Variants in NAALADL2 observed in about 807,000 individuals in gnomAD.
NAALADL2 encodes N-acetylated alpha-linked acidic dipeptidase like 2.
A neutral mutation model predicts 87.2 loss-of-function variants in NAALADL2; 76 were observed. The observed-to-expected ratio is 0.87, with a 90% CI of 0.72 to 1.05. The LOEUF (loss-of-function observed/expected upper bound fraction) is 1.05, where lower values mean the gene tolerates loss of function less well. Among genes scored for constraint, NAALADL2 ranks in the 50% least tolerant of loss-of-function variants. NAALADL2 has a pLI of 0.00. For synonymous variants in NAALADL2, 354 were observed against 331.0 expected, an observed-to-expected ratio of 1.07 and a Z score of -0.75; for missense variants, 1,089 against 945.8, an observed-to-expected ratio of 1.15 and a Z score of -1.99.
chr3:175,020,074 A>G (rs1751376084), intron 1 of NAALADL2, among the ~76,000 whole-genome samples: 1 of 152,104 alleles, frequency 6.6e-6, no homozygotes, highest in Non-Finnish European at 1.5e-5. Flanking sequence ...AAATGAATTA[A>G]TGAATATTGG....
At chr3:174,825,738 T>C (rs975992130) in intron 3 of NAALADL2, among the ~76,000 whole-genome samples, 8 of 152,102 alleles carry the variant, frequency 5.3e-5, no homozygotes, top group Non-Finnish European at 1.5e-5. Context: ...CTTAAACATC[T>C]TTTGAAGGGC....
At chr3:174,723,755 C>CAAAAAAAAAAAAAAAAAAAAAA (rs10663395) in intron 2 of NAALADL2, among the ~76,000 whole-genome samples, 1 of 27,554 alleles carries the variant, frequency 3.6e-5, no homozygotes, top group Non-Finnish European at 5.4e-5. Context: ...GACTCCGTCT[C>CAAAAAAAAAAAAAAAAAAAAAA]AAAAAAAAAA....
At chr3:174,594,169 G>A (rs1370006356) in intron 2 of NAALADL2, among the ~76,000 whole-genome samples, 1 of 150,072 alleles carries the variant, frequency 6.7e-6, no homozygotes, top group East Asian at 1.9e-4. Context: ...TAATACTTGG[G>A]CATAATAATT....
chr3:175,336,968 T>C (rs1762046189), intron 5 of NAALADL2, among the ~76,000 whole-genome samples: 1 of 152,144 alleles, frequency 6.6e-6, no homozygotes. Context: ...TTTCAAGCAA[T>C]AGGCTGAAAA....
upstream of NAALADL2, among the ~76,000 whole-genome samples, chr3:174,858,491 G>C (rs1417694586): frequency 6.6e-6 from 1 of 151,938 alleles, no homozygotes; most frequent in Non-Finnish European, 1.5e-5. Flanking sequence ...TATTCAAAAG[G>C]CAATGCAAAT....
intron 3 of NAALADL2, 146 bp from the exon 4 acceptor site, chr3:175,256,265 T>C: frequency 1.6e-6 from 1 of 628,966 alleles, no homozygotes; most frequent in Non-Finnish European, 2.5e-6. Flanking sequence ...GTCATGTTTA[T>C]GGTAATTGGG....
intron 1 of NAALADL2, among the ~76,000 whole-genome samples, chr3:175,001,148 C>G (rs1392858293): frequency 6.6e-6 from 1 of 152,170 alleles, no homozygotes; most frequent in East Asian, 1.9e-4. Context: ...TCAGTAGCCC[C>G]CAGTTCCTTG....
chr3:174,657,860 T>C (rs762455716), intron 2 of NAALADL2, among the ~76,000 whole-genome samples: 6 of 152,192 alleles, frequency 3.9e-5, no homozygotes, highest in Non-Finnish European at 8.8e-5. Context: ...TTTCAGAGCA[T>C]CATATAGTTG....
chr3:175,254,489 A>T (rs1009373815), intron 3 of NAALADL2, among the ~76,000 whole-genome samples: 11 of 152,178 alleles, frequency 7.2e-5, no homozygotes, highest in Non-Finnish European at 1.3e-4. Context: ...ATGGAACTGA[A>T]CTTGCAATCT....
intron 9 of NAALADL2, among the ~76,000 whole-genome samples, chr3:175,530,519 A>C (rs1582272581): frequency 1.3e-5 from 2 of 152,144 alleles, no homozygotes; most frequent in African/African-American, 4.8e-5. Context: ...AATGTCCTAG[A>C]AAAGGGCTGT....
At chr3:175,235,179 TTTGA>T (rs1269373918) in intron 3 of NAALADL2, 5 of 152,294 alleles carry the variant, frequency 3.3e-5, no homozygotes, top group Admixed American at 1.3e-4. Flanking sequence ...TATTATTAAC[TTTGA>T]TTGATATATG....
At chr3:174,832,888 CA>C (rs901575470) in intron 3 of NAALADL2, among the ~76,000 whole-genome samples, 2 of 152,058 alleles carry the variant, frequency 1.3e-5, no homozygotes, top group Non-Finnish European at 2.9e-5. Context: ...TAAAGTCCAA[CA>C]AAAAAGATGT....
chr3:174,886,479 C>T (rs1162092349), intron 1 of NAALADL2, among the ~76,000 whole-genome samples: 1 of 152,102 alleles, frequency 6.6e-6, no homozygotes, highest in Non-Finnish European at 1.5e-5. Flanking sequence ...TACTTTGTAT[C>T]CTTCAATCCA....
chr3:174,599,789 T>A (rs1718264459), intron 2 of NAALADL2, among the ~76,000 whole-genome samples: 1 of 152,164 alleles, frequency 6.6e-6, no homozygotes, highest in South Asian at 2.1e-4. Context: ...CTCTAGGTGT[T>A]ACAAAGACTG....
At chr3:174,990,310 TC>T (rs1273371571) in intron 1 of NAALADL2, among the ~76,000 whole-genome samples, 1 of 152,178 alleles carries the variant, frequency 6.6e-6, no homozygotes, top group Non-Finnish European at 1.5e-5. Context: ...TGCTGTCACA[TC>T]ATCACATCTG....
At chr3:174,861,043 C>T (rs1269412423) in intron 1 of NAALADL2, among the ~76,000 whole-genome samples, 2 of 152,068 alleles carry the variant, frequency 1.3e-5, no homozygotes, top group Admixed American at 1.3e-4. Flanking sequence ...TGTGCCTAAT[C>T]TTTAAGCCTT....
At chr3:175,135,965 A>G (rs1378501282) in intron 2 of NAALADL2, among the ~76,000 whole-genome samples, 4 of 152,202 alleles carry the variant, frequency 2.6e-5, no homozygotes, top group Admixed American at 6.5e-5. Flanking sequence ...AGACTAATGT[A>G]AATTATATGC....
intron 1 of NAALADL2, among the ~76,000 whole-genome samples, chr3:175,066,705 A>T (rs1580271794): frequency 6.6e-6 from 1 of 152,304 alleles, no homozygotes; most frequent in East Asian, 1.9e-4. Context: ...ATCTGACAGG[A>T]AGGAAGTGTA....
At chr3:175,758,973 A>G (rs1213074907) in intron 13 of NAALADL2, among the ~76,000 whole-genome samples, 1 of 152,196 alleles carries the variant, frequency 6.6e-6, no homozygotes, top group Non-Finnish European at 1.5e-5. Context: ...TTTTGTATTT[A>G]GATCATGTCC....
Sources: gnomAD v4.1 joint callset for allele counts (sites outside exome capture counted in the v4.1 genomes callset) on GRCh38, gnomAD v4.1.1 for gene constraint, MANE v1.5 for transcripts, NCBI Gene and HGNC (gene_info 2026-07-23, HGNC 2026-07-21) for gene names.